EXOC6: variants seen among roughly 807,000 people sequenced by gnomAD.
EXOC6 encodes SEC15-like 1.
In EXOC6, 60 loss-of-function variants were observed where a neutral mutation model predicts 112.5. The observed-to-expected ratio is 0.53, with a 90% confidence interval of 0.43 to 0.66. EXOC6 has a LOEUF of 0.66. Among genes scored for constraint, EXOC6 ranks in the 30% least tolerant of loss-of-function variants. The pLI, the probability that EXOC6 is intolerant of heterozygous loss-of-function variation, is 0.00. For missense variants in EXOC6, 855 were observed against 957.1 expected (o/e 0.89, Z 1.41); for synonymous variants, 295 against 308.0 (o/e 0.96, Z 0.44).
chr10:93,021,273 G>C (rs1444320268), intron 20 of EXOC6, among the ~76,000 whole-genome samples: 2 of 151,992 alleles, frequency 1.3e-5, no homozygotes, highest in East Asian at 1.9e-4. Flanking sequence ...TTGAAGCCGG[G>C]TGTCAAGACC....
At chr10:92,942,783 T>C (rs1852741085) in intron 13 of EXOC6, among the ~76,000 whole-genome samples, 1 of 152,138 alleles carries the variant, frequency 6.6e-6, no homozygotes, top group Non-Finnish European at 1.5e-5. Flanking sequence ...GGCCAGCTAT[T>C]CTCTCTTACC....
chr10:93,014,188 TAATAGTG>T lies in EXOC6; in HGVS notation c.2096-5_2097del. 1 of 1,610,136 alleles carries T rather than the reference TAATAGTG, an allele frequency of 6.2e-7. No homozygotes were observed. Among genetic ancestry groups the T allele is most frequent in the Non-Finnish European group, 8.5e-7 (1 of 1,177,454 alleles). On this transcript the variant is annotated splice_acceptor_variant and splice_polypyrimidine_tract_variant and coding_sequence_variant and intron_variant, in exon 20 of 22. Transcript: ENST00000260762. LOFTEE classifies it high-confidence loss of function. ...TTTTATTCTTTTTTTTTCTTTCTTT[TAATAGTG>T]TTTGCCAGCTCTGAGCCTGTGCCAG...
At chr10:92,888,065 A>G (rs1435738956) in intron 1 of EXOC6, among the ~76,000 whole-genome samples, 2 of 152,108 alleles carry the variant, frequency 1.3e-5, no homozygotes, top group Non-Finnish European at 2.9e-5. Flanking sequence ...TTTGTAATAG[A>G]TCAAGACCTA....
chr10:92,890,498 A>G (rs926790136), intron 1 of EXOC6, among the ~76,000 whole-genome samples: 1 of 152,208 alleles, frequency 6.6e-6, no homozygotes, highest in South Asian at 2.1e-4. Context: ...GTCAAAAACT[A>G]TGTCCTCATG....
At chr10:92,968,961 A>G (rs1842179429) in intron 17 of EXOC6, among the ~76,000 whole-genome samples, 2 of 152,130 alleles carry the variant, frequency 1.3e-5, no homozygotes, top group African/African-American at 4.8e-5. Context: ...GTTACTCATT[A>G]TTAGCAGGAA....
intron 1 of EXOC6, among the ~76,000 whole-genome samples, chr10:92,877,326 C>G (rs940028056): frequency 3.9e-5 from 6 of 151,926 alleles, no homozygotes; most frequent in Non-Finnish European, 8.8e-5. Context: ...TTCAGCATTC[C>G]TTATGAGTCT....
At chr10:93,042,991 C>A (rs1845854000) in intron 20 of EXOC6, among the ~76,000 whole-genome samples, 1 of 151,724 alleles carries the variant, frequency 6.6e-6, no homozygotes, top group Non-Finnish European at 1.5e-5. Context: ...GGCTGGAGTG[C>A]AGTGGCGCAA....
intron 1 of EXOC6, among the ~76,000 whole-genome samples, chr10:92,837,135 C>CACA (rs1491410273): frequency 9.9e-5 from 15 of 151,268 alleles, no homozygotes; most frequent in African/African-American, 2.4e-4. Flanking sequence ...CACACACACA[C>CACA]AAGCCAGAAC....
intron 1 of EXOC6, among the ~76,000 whole-genome samples, chr10:92,874,662 G>C (rs1353498002): frequency 6.6e-6 from 1 of 152,074 alleles, no homozygotes; most frequent in Non-Finnish European, 1.5e-5. Context: ...ACTTGAGTTA[G>C]CTTAAGAAAA....
chr10:92,875,183 T>C (rs920070985), intron 1 of EXOC6, among the ~76,000 whole-genome samples: 1 of 152,214 alleles, frequency 6.6e-6, no homozygotes, highest in Non-Finnish European at 1.5e-5. Flanking sequence ...ACAACAGATA[T>C]CTTTCATATC....
At chr10:93,024,666 G>T (rs1844942581) in intron 20 of EXOC6, among the ~76,000 whole-genome samples, 1 of 152,194 alleles carries the variant, frequency 6.6e-6, no homozygotes, top group South Asian at 2.1e-4. Context: ...GATCCACCCA[G>T]CTAGGCCTCC....
intron 5 of EXOC6, chr10:92,899,859 T>C: frequency 2.3e-6 from 1 of 435,130 alleles, no homozygotes; most frequent in Non-Finnish European, 4.1e-6. Context: ...TATCAAGGAT[T>C]GGTAATGTTG....
intron 17 of EXOC6, among the ~76,000 whole-genome samples, chr10:92,962,582 AG>A (rs1854070627): frequency 6.6e-6 from 1 of 152,016 alleles, no homozygotes; most frequent in Admixed American, 6.6e-5. Context: ...TTGTAGAGAC[AG>A]GGTCTAACTG....
chr10:92,895,292 C>G (rs953675203), intron 4 of EXOC6, among the ~76,000 whole-genome samples: 4 of 145,530 alleles, frequency 2.7e-5, no homozygotes, highest in Middle Eastern at 3.2e-3. Flanking sequence ...CCTTTTGTCC[C>G]CCATAACCCT....
At chr10:92,945,238 G>T (rs1325135651) in intron 13 of EXOC6, among the ~76,000 whole-genome samples, 1 of 152,016 alleles carries the variant, frequency 6.6e-6, no homozygotes, top group Non-Finnish European at 1.5e-5. Context: ...CTTCTATTGA[G>T]TTGAGTTCCT....
intron 18 of EXOC6, among the ~76,000 whole-genome samples, chr10:92,979,896 CAAAAAA>C (rs5787028): frequency 1.2e-5 from 1 of 84,414 alleles, no homozygotes. Flanking sequence ...GACACTGTCT[CAAAAAA>C]AAAAAAAAAA....
chr10:92,974,543 C>T (rs1010517827), intron 18 of EXOC6, among the ~76,000 whole-genome samples: 1 of 151,992 alleles, frequency 6.6e-6, no homozygotes, highest in Non-Finnish European at 1.5e-5. Context: ...CACAATTGCT[C>T]GTCTCCCTCT....
chr10:92,864,367 C>T (rs2037860754), intron 1 of EXOC6, among the ~76,000 whole-genome samples: 1 of 152,190 alleles, frequency 6.6e-6, no homozygotes, highest in Non-Finnish European at 1.5e-5. Context: ...TTTTGTCCTT[C>T]ACTGTGCTCT....
At chr10:93,032,055 G>A (rs2134295797) in intron 20 of EXOC6, among the ~76,000 whole-genome samples, 1 of 151,830 alleles carries the variant, frequency 6.6e-6, no homozygotes, top group Admixed American at 6.6e-5. Flanking sequence ...TGAATAATTT[G>A]TAGTTTTCTA....
Sources: allele counts gnomAD v4.1 joint callset (sites outside exome capture counted in the v4.1 genomes callset), GRCh38; gene constraint gnomAD v4.1.1; transcripts MANE v1.5; gene names NCBI Gene and HGNC (gene_info 2026-07-23, HGNC 2026-07-21).